LAMB4: variants seen among roughly 807,000 people sequenced by gnomAD.
LAMB4 encodes the protein laminin subunit beta-4.
In LAMB4, 196 loss-of-function variants were observed where a neutral mutation model predicts 199.2. The observed-to-expected ratio is 0.98, with a 90% CI of 0.88 to 1.11. The LOEUF is 1.11. Ranked by LOEUF, LAMB4 falls within the 50% of genes least tolerant of loss-of-function variation. LAMB4 has a pLI of 0.00. For missense variants in LAMB4, 2,080 were observed against 2,171.2 expected (o/e 0.96, Z 0.83); for synonymous variants, 744 against 770.6 (o/e 0.97, Z 0.57).
At chr7:108,040,385 T>A (rs921774812) in intron 29 of LAMB4, among the ~76,000 whole-genome samples, 11 of 152,172 alleles carry the variant, frequency 7.2e-5, no homozygotes, top group African/African-American at 2.7e-4. Context: ...ACCAATGACA[T>A]TCTTCACAGA....
intron 3 of LAMB4, among the ~76,000 whole-genome samples, chr7:108,113,536 A>G (rs1277672676): frequency 6.6e-6 from 1 of 152,200 alleles, no homozygotes; most frequent in Non-Finnish European, 1.5e-5. Context: ...GGATCTAAAT[A>G]AATTTTGCAT....
At chr7:108,062,543 T>C in intron 23 of LAMB4, 1 of 330,976 alleles carries the variant, frequency 3.0e-6, no homozygotes, top group Non-Finnish European at 5.5e-6. Context: ...TCTGACTTCC[T>C]CAGTCACAGA....
In LAMB4 at chr7:108,098,487, T is replaced by C. The variant is rs1445329731; in HGVS notation, c.1276A>G (p.Lys426Glu). Reference protein sequence around the residue: ...LGSVAGQCLCKENVEGAKCDQ... With the variant: ...LGSVAGQCLCEENVEGAKCDQ... ...CATTTGGCTCCTTCCACGTTCTCTT[T>C]ACAAAGGCACTGGCCGGCCACAGAC... The change falls in exon 11 of 34, where the codon AAA becomes GAA. Residue 426 changes from lysine to glutamate, a missense_variant. Lys to Glu is a moderately conservative substitution (Grantham distance 56). Transcript: ENST00000388781. 3 of 1,613,870 alleles carry C rather than the reference T, an allele frequency of 1.9e-6. No individual in the cohort carries two copies. The highest frequency in any genetic ancestry group is 2.5e-6 in the Non-Finnish European group (3 of 1,180,010).
rs112342871 is a variant in LAMB4 at position 108,035,323 on chromosome 7, T to C, written c.4680-977A>G. On this transcript the variant is annotated intron_variant, in intron 30 of 33. Coordinates refer to ENST00000388781, the MANE Select transcript of LAMB4 (RefSeq NM_007356.3). ...TGGGAGGCTGAGGCAGGTGGATCAC[T>C]TGAGGTCAGGAGTTCGAGACCAGCC... Among the ~76,000 whole-genome samples, 6 of 152,158 alleles carry C rather than the reference T, an allele frequency of 3.9e-5. 1 individual carries two copies. The highest frequency in any genetic ancestry group is 1.4e-4 in the African/African-American group (6 of 41,508).
rs1365104771 is a variant in LAMB4, at chr7:108,055,561, G to A, written c.3755+71C>T. ...GTACATTTCTAAATTGAAGGCTGACGATGTTAAAGCTTGGTGGGAGTTAAG... is the reference window on the plus strand; with the variant it reads ...GTACATTTCTAAATTGAAGGCTGACAATGTTAAAGCTTGGTGGGAGTTAAG... On this transcript the variant is annotated intron_variant, in intron 25 of 33. Transcript: ENST00000388781. 14 of 1,429,856 alleles carry A rather than the reference G, an allele frequency of 9.8e-6. No homozygotes were observed. The East Asian group carries it at 1.6e-4, about 16-fold the overall frequency. 88.6% of individuals were successfully genotyped at this position (1,429,856 alleles called of 1,614,324 possible). A position where few individuals can be genotyped will look rare whatever the true frequency, so the allele number is the denominator to read the frequency against.
intron 14 of LAMB4, among the ~76,000 whole-genome samples, chr7:108,086,588 G>T (rs2037186213): frequency 6.6e-6 from 1 of 152,186 alleles, no homozygotes; most frequent in African/African-American, 2.4e-5. Flanking sequence ...AATTATGGCT[G>T]TATGGAACCC....
chr7:108,111,799 C>T lies in LAMB4; in HGVS notation c.328+12G>A. 2 of 1,609,312 alleles carry T rather than the reference C, an allele frequency of 1.2e-6. No homozygotes were observed. The highest frequency in any genetic ancestry group is 1.7e-6 in the Non-Finnish European group (2 of 1,177,584). ...GAAGAAATAAACAACTGGAAAGGAA[C>T]TTAAATCATACCATTTTCAGATTGC... On this transcript the variant is annotated intron_variant, in intron 4 of 33. Transcript: ENST00000388781.
intron 21 of LAMB4, 35 bp from the exon 22 acceptor site, chr7:108,064,020 G>T: frequency 1.4e-6 from 2 of 1,472,870 alleles, no homozygotes; most frequent in Non-Finnish European, 9.5e-7. Context: ...AATGGGGTGA[G>T]GTATCAGTGT....
intron 14 of LAMB4, among the ~76,000 whole-genome samples, chr7:108,087,178 C>T (rs1269022424): frequency 6.6e-6 from 1 of 152,176 alleles, no homozygotes; most frequent in Admixed American, 6.5e-5. Context: ...ATCTGAAGTC[C>T]ATATCATGTT....
chr7:108,079,718 A>G lies in LAMB4; in HGVS notation c.1770T>C (p.Pro590=). Residue 590 remains proline (P), a synonymous_variant, in exon 15 of 34, where the codon CCT becomes CCC. Coordinates refer to ENST00000388781, the MANE Select transcript of LAMB4 (RefSeq NM_007356.3). The part of the protein sequence containing the change: ...VVLGEPVPGN[P]VTWTGPGFAR... ...CAAATCCAGGTCCAGTCCATGTAAC[A>G]GGGTTCCCAGGAACTGGCTCTCCTA... is the stretch of plus-strand genomic sequence containing the variant. 6.2e-7 allele frequency: 1 copy of G among 1,611,544 alleles called. No individual in the cohort carries two copies. The highest frequency in any genetic ancestry group is 8.5e-7 in the Non-Finnish European group (1 of 1,179,106).
At chr7:108,031,331 CAAAAAAA>C (rs60572529) in intron 31 of LAMB4, among the ~76,000 whole-genome samples, 962 of 14,950 alleles carry the variant, frequency 0.064, 2 homozygotes, top group South Asian at 0.11. Flanking sequence ...TCAACAATAA[CAAAAAAA>C]AAAAAAAAAG....
intron 23 of LAMB4, among the ~76,000 whole-genome samples, chr7:108,060,253 T>C (rs2036117195): frequency 6.6e-6 from 1 of 152,204 alleles, no homozygotes. Flanking sequence ...AAGGCTACCT[T>C]GGAACTGTGG....
In LAMB4 at chr7:108,107,812, C is replaced by T. The variant is rs147178647; in HGVS notation, c.410G>A (p.Arg137Gln). The change falls in exon 6 of 34, where the codon CGG (arginine) becomes CAG (glutamine). Residue 137 changes from arginine (R) to glutamine (Q), a missense_variant. Physicochemically the swap from Arg to Gln is conservative, Grantham distance 43 (BLOSUM62 1). Coordinates refer to ENST00000388781, the MANE Select transcript of LAMB4 (RefSeq NM_007356.3). ...SHLILTFKTF[R>Q]PAAMLVERST... is the part of the protein sequence containing the mutation. ...ACGTTCAACTAACATTGCAGCAGGCCGAAAAGTCTAGGAAAAATGAGTAAA... is the reference window on the plus strand; with the variant it reads ...ACGTTCAACTAACATTGCAGCAGGCTGAAAAGTCTAGGAAAAATGAGTAAA... The T allele has an allele frequency of 1.9e-5, 30 of 1,580,572 alleles. No homozygotes were observed. The East Asian group carries it at 4.4e-4, about 23-fold the overall frequency.
rs1011494930 is a variant in LAMB4, at chr7:108,037,462, G to T, written c.4605C>A (p.Tyr1535Ter). 1 of 1,614,106 alleles carries T rather than the reference G, an allele frequency of 6.2e-7. No homozygotes were observed. The highest frequency in any genetic ancestry group is 8.5e-7 in the Non-Finnish European group (1 of 1,180,014). Residue 1535 changes from tyrosine (Y) to a stop codon, truncating the protein, a stop_gained, in exon 30 of 34, where the codon TAC becomes TAA. Coordinates refer to ENST00000388781, the MANE Select transcript of LAMB4 (RefSeq NM_007356.3). LOFTEE classifies it high-confidence loss of function. ...IQKHMQLCED[Y>*]RTDENRLNEE... ...CATTTAACCTGTTTTCATCTGTCCT[G>T]TAATCCTCACAGAGTTGCATATGTT...
At chr7:108,104,747 C>T (rs1296698979) in intron 8 of LAMB4, 128 bp from the exon 9 acceptor site, 3 of 971,232 alleles carry the variant, frequency 3.1e-6, no homozygotes, top group African/African-American at 1.7e-5. Flanking sequence ...ATGTTAATTA[C>T]AATACCAACC....
At chr7:108,116,189 G>T in intron 2 of LAMB4, 28 bp from the exon 3 acceptor site, 1 of 1,602,434 alleles carries the variant, frequency 6.2e-7, no homozygotes, top group Non-Finnish European at 8.5e-7. Flanking sequence ...TAGCTTACAC[G>T]GAAGGCAGTC....
At chr7:108,073,494 C>G (rs1409336249) in intron 17 of LAMB4, among the ~76,000 whole-genome samples, 2 of 152,210 alleles carry the variant, frequency 1.3e-5, no homozygotes, top group Non-Finnish European at 2.9e-5. Flanking sequence ...ATCTGGGTAA[C>G]TGAAAACAAA....
In LAMB4 at chr7:108,052,253, G is replaced by T; in HGVS notation, c.3760C>A (p.Gln1254Lys). 2 of 1,590,328 alleles carry T rather than the reference G, an allele frequency of 1.3e-6. No individual in the cohort carries two copies. The highest frequency in any genetic ancestry group is 1.7e-5 in the Admixed American group (1 of 57,856). ...VKDYHDSVRR[Q>K]IMQLNEQLKA... ...AGTTGTTCATTTAGCTGCATGATTTGTCTTCTATAGAGGAAATAAGGGTAA... is the reference window on the plus strand; with the variant it reads ...AGTTGTTCATTTAGCTGCATGATTTTTCTTCTATAGAGGAAATAAGGGTAA... The change falls in exon 26 of 34, where the codon CAA (glutamine) becomes AAA (lysine). Residue 1254 changes from glutamine to lysine, a missense_variant. Physicochemically the swap from Gln to Lys is moderately conservative, Grantham distance 53 (BLOSUM62 1). Transcript: ENST00000388781.
chr7:108,086,829 T>C (rs960208419), intron 14 of LAMB4, among the ~76,000 whole-genome samples: 1 of 152,172 alleles, frequency 6.6e-6, no homozygotes, highest in African/African-American at 2.4e-5. Flanking sequence ...CCAGGTTTCT[T>C]GGCCAGCCTC....
Sources: gnomAD v4.1 joint callset for allele counts (sites outside exome capture counted in the v4.1 genomes callset) on GRCh38, gnomAD v4.1.1 for gene constraint, MANE v1.5 for transcripts, NCBI Gene and HGNC (gene_info 2026-07-23, HGNC 2026-07-21) for gene names.